Variants in ELAPOR2 observed in about 807,000 individuals in gnomAD.
ELAPOR2 encodes the protein endosome/lysosome-associated apoptosis and autophagy regulator family member 2.
A neutral mutation model predicts 120.7 loss-of-function variants in ELAPOR2; 89 were observed. The ratio of observed to expected loss-of-function variants is 0.74; its 90% CI spans 0.62 to 0.88. The LOEUF (loss-of-function observed/expected upper bound fraction) is 0.88. Ranked by LOEUF, ELAPOR2 falls within the 40% of genes least tolerant of loss-of-function variation. ELAPOR2 has a pLI of 0.00. For synonymous variants in ELAPOR2, 444 were observed against 444.9 expected, an observed-to-expected ratio of 1.00 and a Z score of 0.03; for missense variants, 1,134 against 1,251.6, an observed-to-expected ratio of 0.91 and a Z score of 1.42.
Position 86,953,343 on chromosome 7 carries a change from G to A in ELAPOR2, c.311-5421C>T, listed in dbSNP as rs374820557. On this transcript the variant is annotated intron_variant, in intron 2 of 21. Coordinates refer to ENST00000450689, the MANE Select transcript of ELAPOR2 (RefSeq NM_001142749.3). Reference sequence around the variant, plus strand: ...GTCAGGCTTAGAGACACCTGTCAAAGGAAGAAAAGAGCCACACTTTCTTGG... The same window carrying A: ...GTCAGGCTTAGAGACACCTGTCAAAAGAAGAAAAGAGCCACACTTTCTTGG... 8.5e-5 allele frequency among the ~76,000 whole-genome samples: 13 copies of A among 152,264 alleles called. No individual in the cohort carries two copies. The East Asian group carries it at 2.1e-3, about 25-fold the overall frequency.
At chr7:86,980,844 T>C (rs1160668647) in intron 1 of ELAPOR2, among the ~76,000 whole-genome samples, 1 of 152,170 alleles carries the variant, frequency 6.6e-6, no homozygotes, top group African/African-American at 2.4e-5. Context: ...AACAAATAAA[T>C]GATTAACGTT....
chr7:86,930,912 A>G (rs138603164), intron 8 of ELAPOR2, among the ~76,000 whole-genome samples: 117 of 152,118 alleles, frequency 7.7e-4, no homozygotes, highest in African/African-American at 2.7e-3. Flanking sequence ...CCTACTATGC[A>G]CAGGACAAAG....
rs1214242710 is a variant in ELAPOR2, at chr7:86,912,081, A to T, written c.2160T>A (p.Cys720Ter). Residue 720 changes from cysteine to a stop codon, truncating the protein, a stop_gained, in exon 15 of 22, where the codon TGT (cysteine) becomes TGA (stop). Transcript: ENST00000450689. LOFTEE classifies it high-confidence loss of function. ...KYFHFFNISL[C>*]GHEGKKMALC... ...GACAGCCAGAACTCACCTCATGCCC[A>T]CATAAACTGATATTGAAGAAATGGA... 1 of 1,607,210 alleles carries T rather than the reference A, an allele frequency of 6.2e-7. No individual in the cohort carries two copies. The highest frequency in any genetic ancestry group is 2.2e-5 in the East Asian group (1 of 44,636).
In ELAPOR2 at chr7:87,032,865, G is replaced by T. The variant is rs79805349; in HGVS notation, c.189+26460C>A. Among the ~76,000 whole-genome samples, 815 of 152,312 alleles carry T rather than the reference G, an allele frequency of 5.4e-3. 12 individuals are homozygous for T. The highest frequency in any genetic ancestry group is 0.019 in the African/African-American group (784 of 41,578). On this transcript the variant is annotated intron_variant, in intron 1 of 21. Coordinates refer to ENST00000450689, the MANE Select transcript of ELAPOR2 (RefSeq NM_001142749.3). ...ACCAGTGGCTACCTACACACCTTGT[G>T]TGTGAGTAAAACACAGCAGTACATA...
Position 86,914,851 on chromosome 7 carries a change from T to C in ELAPOR2, c.1603A>G (p.Arg535Gly), listed in dbSNP as rs751080789. ...GATTCTACCACATTTGTACTTTTTC[T>C]ATTAATATCCTGAAATATAGTGGAA... ...CVLYFMVDIN[R>G]KSTNVVESWG... is the part of the protein sequence containing the mutation. Residue 535 changes from arginine to glycine, a missense_variant, in exon 13 of 22, where the codon AGA becomes GGA. This residue lies in a region of ELAPOR2 where 831 missense variants were observed against 867.6 expected (regional missense o/e 0.96). Transcript: ENST00000450689. 1.9e-6 allele frequency: 3 copies of C among 1,609,350 alleles called. No homozygotes were observed. The East Asian group carries it at 6.7e-5, about 36-fold the overall frequency.
At chr7:87,044,529 G>C (rs1372503725) in intron 1 of ELAPOR2, among the ~76,000 whole-genome samples, 2 of 143,710 alleles carry the variant, frequency 1.4e-5, no homozygotes, top group Non-Finnish European at 3.0e-5. Context: ...TTTAATAAAT[G>C]GTGCTGGGAA....
chr7:87,046,850 C>A (rs577638712), intron 1 of ELAPOR2, among the ~76,000 whole-genome samples: 4 of 152,218 alleles, frequency 2.6e-5, no homozygotes, highest in African/African-American at 9.6e-5. Context: ...CTTGGGCAGT[C>A]CTTTATATCA....
intron 1 of ELAPOR2, among the ~76,000 whole-genome samples, chr7:86,990,207 C>T (rs1792896808): frequency 6.6e-6 from 1 of 152,090 alleles, no homozygotes; most frequent in African/African-American, 2.4e-5. Context: ...CCACCACGCC[C>T]AGCTAATTTT....
chr7:86,883,948 G>A (rs1391206739), intron 21 of ELAPOR2, among the ~76,000 whole-genome samples: 2 of 152,146 alleles, frequency 1.3e-5, no homozygotes, highest in Non-Finnish European at 2.9e-5. Context: ...TTGGGGTGAA[G>A]TGTATTGAAG....
intron 8 of ELAPOR2, among the ~76,000 whole-genome samples, chr7:86,930,009 A>T (rs1379206525): frequency 1.3e-5 from 2 of 151,982 alleles, no homozygotes; most frequent in Non-Finnish European, 2.9e-5. Flanking sequence ...TCTTTCATTT[A>T]TAAGTTATCT....
At chr7:86,949,695 G>C (rs1438499140) in intron 2 of ELAPOR2, among the ~76,000 whole-genome samples, 2 of 152,196 alleles carry the variant, frequency 1.3e-5, no homozygotes, top group Admixed American at 1.3e-4. Flanking sequence ...TCCAATCTCA[G>C]AGCAAGGTTG....
intron 9 of ELAPOR2, 136 bp downstream of exon 9, chr7:86,926,600 G>T: frequency 1.3e-6 from 1 of 748,654 alleles, no homozygotes; most frequent in Non-Finnish European, 2.1e-6. Flanking sequence ...TATTACAGTT[G>T]ACTGCAATTT....
chr7:86,932,345 A>G (rs1224054415), intron 8 of ELAPOR2, among the ~76,000 whole-genome samples: 1 of 151,860 alleles, frequency 6.6e-6, no homozygotes, highest in East Asian at 1.9e-4. Context: ...TCCCCTCTCC[A>G]TTCCTCAGTT....
At chr7:86,942,139 C>T (rs1790826560) in intron 4 of ELAPOR2, 35 bp from the exon 5 acceptor site, 1 of 1,221,886 alleles carries the variant, frequency 8.2e-7, no homozygotes, top group African/African-American at 1.5e-5. Flanking sequence ...AGTAAAGTGT[C>T]TTGAATAACA....
At chr7:86,897,449 G>A (rs1788488220) in intron 19 of ELAPOR2, 57 bp downstream of exon 19, 9 of 1,568,452 alleles carry the variant, frequency 5.7e-6, no homozygotes, top group Non-Finnish European at 5.2e-6. Flanking sequence ...TCTATGATTT[G>A]ATGCCAGATT....
rs1792765053 is a variant in ELAPOR2, at chr7:86,986,995, G to C, written c.190-21971C>G. ...ACAGCATGATACTGGTACCAAAACA[G>C]AGACATAGACCAATGGAATAGAACA... On this transcript the variant is annotated intron_variant, in intron 1 of 21. Transcript: ENST00000450689. Among the ~76,000 whole-genome samples the C allele has an allele frequency of 3.3e-5, 5 of 150,624 alleles. No individual in the cohort carries two copies. In the South Asian group the frequency reaches 8.5e-4, roughly 26 times the overall value.
At chr7:86,922,173 A>AC (rs1789862885) in intron 10 of ELAPOR2, among the ~76,000 whole-genome samples, 1 of 152,074 alleles carries the variant, frequency 6.6e-6, no homozygotes, top group Non-Finnish European at 1.5e-5. Context: ...AACAGTGTCA[A>AC]CCAGAATGTT....
chr7:86,905,417 G>C (rs940784209), intron 18 of ELAPOR2, among the ~76,000 whole-genome samples: 1 of 151,956 alleles, frequency 6.6e-6, no homozygotes, highest in African/African-American at 2.4e-5. Context: ...CTTGTGCCCT[G>C]ATGGGAAATT....
In ELAPOR2 at chr7:86,912,194, G is replaced by C. The variant is rs374139830; in HGVS notation, c.2047C>G (p.Gln683Glu). ...DCFFYHEKENQSLHYDFSNLS... is the reference protein window; with the variant it reads ...DCFFYHEKENESLHYDFSNLS... ...TTGCTAAAGTCATAGTGCAAACTCTGATTTTCTTTTTCATGGTAGAAAAAG... is the reference window on the plus strand; with the variant it reads ...TTGCTAAAGTCATAGTGCAAACTCTCATTTTCTTTTTCATGGTAGAAAAAG... Residue 683 changes from glutamine (Q) to glutamate (E), a missense_variant, in exon 15 of 22, where the codon CAG becomes GAG. By Grantham distance (29) the Gln-to-Glu change is conservative. This residue lies in a region of ELAPOR2 where 831 missense variants were observed against 867.6 expected (regional missense o/e 0.96). Transcript: ENST00000450689. The C allele has an allele frequency of 1.1e-5, 17 of 1,608,342 alleles. No individual in the cohort carries two copies. Among genetic ancestry groups the C allele is most frequent in the Non-Finnish European group, 1.4e-5 (17 of 1,175,474 alleles).
Sources: gnomAD v4.1 joint callset for allele counts (sites outside exome capture counted in the v4.1 genomes callset) on GRCh38, gnomAD v4.1.1 for gene constraint, gnomAD v4.1.1 regional missense constraint, MANE v1.5 for transcripts, NCBI Gene and HGNC (gene_info 2026-07-23, HGNC 2026-07-21) for gene names.